ZCWPW2: variants seen among roughly 807,000 people sequenced by gnomAD.
ZCWPW2 encodes the protein zinc finger CW-type and PWWP domain containing 2.
In ZCWPW2, 45 loss-of-function variants were observed where a neutral mutation model predicts 46.6. The ratio of observed to expected loss-of-function variants is 0.96; its 90% CI spans 0.76 to 1.24. The LOEUF (loss-of-function observed/expected upper bound fraction) is 1.24, where lower values mean the gene tolerates loss of function less well. Among genes scored for constraint, ZCWPW2 ranks in the 50% most tolerant of loss-of-function variants. ZCWPW2 has a pLI of 0.00. For missense variants in ZCWPW2, 429 were observed against 403.9 expected (o/e 1.06, Z -0.53); for synonymous variants, 152 against 137.1 (o/e 1.11, Z -0.76).
chr3:28,423,315 C>T (rs1404025426), intron 3 of ZCWPW2, among the ~76,000 whole-genome samples: 2 of 147,974 alleles, frequency 1.4e-5, no homozygotes, highest in Admixed American at 1.3e-4. Flanking sequence ...ATCCTGTCCT[C>T]TTCAGTTTAG....
rs996633066 is a variant in ZCWPW2 at position 28,349,278 on chromosome 3, C to T, written c.-134+75C>T. Reference sequence around the variant, plus strand: ...GGGGCGCCCTCTGGTGCGTCTTTTTCACTCAGTGTCCTTTTGGGGGGTCCC... The same window carrying T: ...GGGGCGCCCTCTGGTGCGTCTTTTTTACTCAGTGTCCTTTTGGGGGGTCCC... On this transcript the variant is annotated intron_variant, in intron 1 of 9. Transcript: ENST00000383768. The T allele has an allele frequency of 4.5e-6, 4 of 889,512 alleles. No individual in the cohort carries two copies. In the African/African-American group the frequency reaches 7.2e-5, roughly 16 times the overall value. The allele number at this position is 889,512 out of a possible 1,614,324, so 55.1% of individuals were successfully genotyped here.
chr3:28,468,316 G>GA (rs1173642919), intron 4 of ZCWPW2, among the ~76,000 whole-genome samples: 36 of 152,114 alleles, frequency 2.4e-4, no homozygotes, highest in Non-Finnish European at 8.8e-5. Flanking sequence ...ACGATATCTA[G>GA]AAAATAGCCT....
intron 1 of ZCWPW2, among the ~76,000 whole-genome samples, chr3:28,371,634 G>A (rs1289162897): frequency 6.6e-6 from 1 of 151,886 alleles, no homozygotes; most frequent in Non-Finnish European, 1.5e-5. Flanking sequence ...AGTCTAGCCT[G>A]GGCAACAGAG....
intron 4 of ZCWPW2, among the ~76,000 whole-genome samples, chr3:28,436,330 T>C (rs563891803): frequency 0.011 from 1,635 of 146,350 alleles, 29 homozygotes; most frequent in African/African-American, 0.03. Flanking sequence ...TTTCTTTTTT[T>C]TTTTTTTTTT....
At chr3:28,351,351 G>T (rs1220215190) in intron 1 of ZCWPW2, among the ~76,000 whole-genome samples, 1 of 151,106 alleles carries the variant, frequency 6.6e-6, no homozygotes, top group African/African-American at 2.4e-5. Context: ...ATCAGGGAAA[G>T]GGCTCCTGAA....
intron 5 of ZCWPW2, among the ~76,000 whole-genome samples, chr3:28,485,136 G>C (rs1699555015): frequency 2.0e-5 from 3 of 149,898 alleles, no homozygotes; most frequent in Middle Eastern, 3.2e-3. Context: ...AATTTTTCTT[G>C]AGTTTTTTTT....
intron 3 of ZCWPW2, among the ~76,000 whole-genome samples, chr3:28,421,086 A>T (rs1696763174): frequency 6.6e-6 from 1 of 152,090 alleles, no homozygotes. Context: ...TGTCAGCAGG[A>T]TATGTGGGAG....
At position 28,420,694 on chromosome 3, in the gene ZCWPW2, T is replaced by G. The variant is rs1696737387; in HGVS notation, c.332+7294T>G. Among the ~76,000 whole-genome samples the G allele has an allele frequency of 2.6e-5, 4 of 152,214 alleles. No individual in the cohort carries two copies. The South Asian group carries it at 8.3e-4, about 32-fold the overall frequency. On this transcript the variant is annotated intron_variant, in intron 3 of 9. Coordinates refer to ENST00000383768, the MANE Select transcript of ZCWPW2 (RefSeq NM_001040432.4). ...CCATGCTGCTGTGATAAGCTTTCAC[T>G]TTTTGGTAGGGGTATTATTTATTTT... is the stretch of plus-strand genomic sequence containing the variant.
chr3:28,387,091 T>A (rs967834001), intron 1 of ZCWPW2, among the ~76,000 whole-genome samples: 11 of 152,164 alleles, frequency 7.2e-5, no homozygotes, highest in Non-Finnish European at 1.5e-4. Flanking sequence ...TCTCTGTTGC[T>A]TTTTCTTGGC....
intron 3 of ZCWPW2, among the ~76,000 whole-genome samples, chr3:28,414,130 T>C (rs1017607335): frequency 6.6e-6 from 1 of 152,076 alleles, no homozygotes; most frequent in African/African-American, 2.4e-5. Context: ...TTTAGGATTT[T>C]GATATTACTT....
chr3:28,414,351 T>C (rs1031555032), intron 3 of ZCWPW2, among the ~76,000 whole-genome samples: 3 of 151,996 alleles, frequency 2.0e-5, no homozygotes, highest in African/African-American at 4.8e-5. Context: ...CTCTTTCTTT[T>C]AATTTTAATT....
At chr3:28,445,499 T>A (rs1490561714) in intron 4 of ZCWPW2, among the ~76,000 whole-genome samples, 1 of 152,082 alleles carries the variant, frequency 6.6e-6, no homozygotes, top group Non-Finnish European at 1.5e-5. Context: ...GTGTTATAAC[T>A]TTAGGATGTA....
chr3:28,372,902 C>T (rs1375364274), intron 1 of ZCWPW2, among the ~76,000 whole-genome samples: 1 of 152,162 alleles, frequency 6.6e-6, no homozygotes, highest in African/African-American at 2.4e-5. Flanking sequence ...AATTATTTTA[C>T]TTAGGATAAT....
chr3:28,462,675 C>A (rs961017877), intron 4 of ZCWPW2, among the ~76,000 whole-genome samples: 3 of 152,166 alleles, frequency 2.0e-5, no homozygotes, highest in Non-Finnish European at 4.4e-5. Context: ...TTTATTACAT[C>A]TTGATTATTT....
intron 3 of ZCWPW2, among the ~76,000 whole-genome samples, chr3:28,424,487 AGAG>A (rs1696925848): frequency 6.6e-6 from 1 of 152,188 alleles, no homozygotes; most frequent in Admixed American, 6.5e-5. Context: ...CCTTATAAGA[AGAG>A]GAGATTAGAA....
intron 3 of ZCWPW2, among the ~76,000 whole-genome samples, 163 bp from the exon 4 acceptor site, chr3:28,434,947 T>A (rs914518814): frequency 2.0e-5 from 3 of 152,224 alleles, no homozygotes; most frequent in Non-Finnish European, 4.4e-5. Context: ...ATTTATTACT[T>A]GTATCAAACA....
intron 7 of ZCWPW2, among the ~76,000 whole-genome samples, chr3:28,514,449 G>C (rs1352604326): frequency 6.6e-6 from 1 of 152,112 alleles, no homozygotes; most frequent in African/African-American, 2.4e-5. Context: ...GAAATGCAAA[G>C]CTATTAGTAT....
chr3:28,497,573 C>T (rs1424809637), intron 6 of ZCWPW2, among the ~76,000 whole-genome samples: 1 of 151,748 alleles, frequency 6.6e-6, no homozygotes, highest in Non-Finnish European at 1.5e-5. Context: ...ATTGATGGAT[C>T]AAAGCTACTC....
chr3:28,391,850 C>G (rs1368269371), intron 2 of ZCWPW2, among the ~76,000 whole-genome samples: 1 of 152,074 alleles, frequency 6.6e-6, no homozygotes, highest in African/African-American at 2.4e-5. Flanking sequence ...CCACCACCCA[C>G]CCAACCCAGT....
Sources: gnomAD v4.1 joint callset for allele counts (sites outside exome capture counted in the v4.1 genomes callset) on GRCh38, gnomAD v4.1.1 for gene constraint, MANE v1.5 for transcripts, NCBI Gene and HGNC (gene_info 2026-07-23, HGNC 2026-07-21) for gene names.